Variants in SNAP91 observed in about 807,000 individuals in gnomAD.
The protein encoded by SNAP91 is clathrin coat assembly protein AP180.
SNAP91 carries 27 observed loss-of-function variants against 100.3 expected under a neutral mutation model. That is an observed-to-expected ratio of 0.27 (90% CI 0.20 to 0.37). The LOEUF is 0.37. Among genes scored for constraint, SNAP91 ranks in the 10% least tolerant of loss-of-function variants. SNAP91 has a pLI of 1.00. For synonymous variants in SNAP91, 404 were observed against 398.6 expected, an observed-to-expected ratio of 1.01 and a Z score of -0.16; for missense variants, 986 against 1,123.7, an observed-to-expected ratio of 0.88 and a Z score of 1.75.
rs775115842 is a variant in SNAP91, at chr6:83,591,299, C to T, written c.1931-5G>A. The stretch of plus-strand genomic sequence containing the variant: ...AAGCACTACTTCCAAATGCATCTAT[C>T]CGTTATCCATTGTGCAGCGGAAAAG... On this transcript the variant is annotated splice_polypyrimidine_tract_variant and splice_region_variant and intron_variant, in intron 21 of 29. Coordinates refer to ENST00000369694, the MANE Select transcript of SNAP91 (RefSeq NM_001242792.2). The T allele has an allele frequency of 3.1e-6, 5 of 1,600,678 alleles. No individual in the cohort carries two copies. Among genetic ancestry groups the T allele is most frequent in the African/African-American group, 2.7e-5 (2 of 74,816 alleles).
chr6:83,681,262 A>G (rs1301850493), intron 2 of SNAP91, among the ~76,000 whole-genome samples: 2 of 152,108 alleles, frequency 1.3e-5, no homozygotes, highest in Non-Finnish European at 2.9e-5. Context: ...AAACTTTCCT[A>G]TCCTGGCTGC....
At chr6:83,603,719 G>T (rs184813193) in intron 14 of SNAP91, among the ~76,000 whole-genome samples, 99 of 152,198 alleles carry the variant, frequency 6.5e-4, no homozygotes, top group Non-Finnish European at 1.0e-3. Flanking sequence ...AATGAGAAAG[G>T]CTCACAGCGT....
At chr6:83,586,111 G>A (rs1358759095) in intron 22 of SNAP91, among the ~76,000 whole-genome samples, 1 of 152,168 alleles carries the variant, frequency 6.6e-6, no homozygotes, top group Non-Finnish European at 1.5e-5. Flanking sequence ...GCCTCACAAA[G>A]TGCTGGGATT....
chr6:83,616,807 A>G (rs1230084758), intron 10 of SNAP91, among the ~76,000 whole-genome samples, 162 bp downstream of exon 10: 2 of 152,188 alleles, frequency 1.3e-5, no homozygotes, highest in African/African-American at 4.8e-5. Flanking sequence ...ACCCACTGTC[A>G]TAAGTTAATA....
At chr6:83,611,713 T>G (rs1305994488) in intron 11 of SNAP91, among the ~76,000 whole-genome samples, 1 of 151,866 alleles carries the variant, frequency 6.6e-6, no homozygotes, top group African/African-American at 2.4e-5. Flanking sequence ...TTTTTTTTTT[T>G]TGAGACGGAG....
chr6:83,646,044 A>T (rs1287540441), intron 7 of SNAP91, among the ~76,000 whole-genome samples: 1 of 152,182 alleles, frequency 6.6e-6, no homozygotes, highest in Non-Finnish European at 1.5e-5. Context: ...GTGAGGTATC[A>T]AAGTTTTTAG....
chr6:83,679,565 G>C lies in SNAP91; in HGVS notation c.131-13984C>G, dbSNP rs1202865723. On this transcript the variant is annotated intron_variant, in intron 2 of 29. Transcript: ENST00000369694. ...ATCCCTATCTCTTCTTTTTCTACAAGGCCCTGCACATCTGAGATCCTTGAC... is the reference window on the plus strand; with the variant it reads ...ATCCCTATCTCTTCTTTTTCTACAACGCCCTGCACATCTGAGATCCTTGAC... 3.3e-5 allele frequency among the ~76,000 whole-genome samples: 5 copies of C among 152,082 alleles called. No individual in the cohort carries two copies. The South Asian group carries it at 1.0e-3, about 32-fold the overall frequency.
At chr6:83,557,709 A>C (rs1007371257) in intron 28 of SNAP91, among the ~76,000 whole-genome samples, 1 of 151,920 alleles carries the variant, frequency 6.6e-6, no homozygotes, top group African/African-American at 2.4e-5. Flanking sequence ...AATAACAACA[A>C]AAAACCTGGG....
At chr6:83,568,296 G>A (rs1023701687) in intron 26 of SNAP91, among the ~76,000 whole-genome samples, 2 of 151,992 alleles carry the variant, frequency 1.3e-5, no homozygotes, top group African/African-American at 4.8e-5. Flanking sequence ...ATTGAACAAT[G>A]AGAACACTTG....
chr6:83,659,148 C>A (rs1353257108), intron 5 of SNAP91, 56 bp from the exon 6 acceptor site: 1 of 1,314,374 alleles, frequency 7.6e-7, no homozygotes, highest in East Asian at 2.5e-5. Context: ...CAATTCAAGA[C>A]CATATGAATT....
chr6:83,647,261 C>G (rs960444214), intron 7 of SNAP91, among the ~76,000 whole-genome samples: 19 of 152,266 alleles, frequency 1.2e-4, no homozygotes, highest in Middle Eastern at 3.4e-3. Context: ...GACACTTTGC[C>G]TTCCTCCTGA....
chr6:83,700,904 G>A (rs1175399031), intron 2 of SNAP91, among the ~76,000 whole-genome samples: 1 of 152,126 alleles, frequency 6.6e-6, no homozygotes. Flanking sequence ...AGCTCAGAGG[G>A]TGTTTAAATA....
At chr6:83,587,681 C>T (rs2092958685) in intron 22 of SNAP91, among the ~76,000 whole-genome samples, 1 of 150,788 alleles carries the variant, frequency 6.6e-6, no homozygotes, top group African/African-American at 2.5e-5. Context: ...TGTGAAAACT[C>T]AGAAACAGCC....
intron 10 of SNAP91, among the ~76,000 whole-genome samples, chr6:83,616,004 T>C (rs891304339): frequency 2.0e-5 from 3 of 152,154 alleles, no homozygotes; most frequent in Admixed American, 1.3e-4. Context: ...CAGAGACAGA[T>C]TCCAAGCTCT....
chr6:83,678,778 T>A (rs1227881704), intron 2 of SNAP91: 1 of 1,289,264 alleles, frequency 7.8e-7, no homozygotes, highest in Middle Eastern at 2.1e-4. Context: ...AAAGCCTTAC[T>A]GTTATTATTC....
intron 2 of SNAP91, among the ~76,000 whole-genome samples, chr6:83,674,301 G>A (rs1281084757): frequency 1.3e-5 from 2 of 152,222 alleles, no homozygotes; most frequent in Middle Eastern, 3.4e-3. Flanking sequence ...AGGCACAGTG[G>A]TGGGCACCTG....
chr6:83,575,334 G>T, intron 25 of SNAP91: 1 of 544,368 alleles, frequency 1.8e-6, no homozygotes, highest in Non-Finnish European at 3.2e-6. Flanking sequence ...ATCATTTAGA[G>T]TTTGGACCTC....
At chr6:83,566,214 T>G (rs1055737923) in intron 26 of SNAP91, among the ~76,000 whole-genome samples, 4 of 152,074 alleles carry the variant, frequency 2.6e-5, no homozygotes, top group Non-Finnish European at 5.9e-5. Context: ...TAAGGGGAAA[T>G]TGAAAGGGAC....
Position 83,621,962 on chromosome 6 carries a change from ATTAGT to A in SNAP91, c.807+1334_807+1338del, listed in dbSNP as rs766260423. Among the ~76,000 whole-genome samples, 213 of 152,226 alleles carry A rather than the reference ATTAGT, an allele frequency of 1.4e-3. 1 individual carries two copies. The highest frequency in any genetic ancestry group is 2.1e-3 in the Non-Finnish European group (140 of 67,936). The stretch of plus-strand genomic sequence containing the variant: ...TGTACTATAAATTTTACTAAAAATG[ATTAGT>A]TTAAATGAAAACACACTTATTTTCT... On this transcript the variant is annotated intron_variant, in intron 9 of 29. Coordinates refer to ENST00000369694, the MANE Select transcript of SNAP91 (RefSeq NM_001242792.2).
Sources: gnomAD v4.1 joint callset for allele counts (sites outside exome capture counted in the v4.1 genomes callset) on GRCh38, gnomAD v4.1.1 for gene constraint, MANE v1.5 for transcripts, NCBI Gene and HGNC (gene_info 2026-07-23, HGNC 2026-07-21) for gene names.